The following ANKS6 variants were observed in gnomAD, a reference collection of about 807,000 sequenced individuals.
ANKS6 encodes ankyrin repeat and SAM domain-containing protein 6.
In ANKS6, 47 loss-of-function variants were observed where a neutral mutation model predicts 77.9. The observed-to-expected ratio is 0.60, with a 90% CI of 0.48 to 0.77. The LOEUF is 0.77. ANKS6 is among the 30% of genes least tolerant of loss of function. The pLI, the probability that ANKS6 is intolerant of heterozygous loss-of-function variation, is 0.00. For synonymous variants in ANKS6, 488 were observed against 501.7 expected, an observed-to-expected ratio of 0.97 and a Z score of 0.37; for missense variants, 1,150 against 1,159.1, an observed-to-expected ratio of 0.99 and a Z score of 0.11.
intron 14 of ANKS6, among the ~76,000 whole-genome samples, chr9:98,739,295 C>T (rs1051048670): frequency 1.3e-4 from 20 of 152,118 alleles, no homozygotes; most frequent in Non-Finnish European, 2.1e-4. Flanking sequence ...ACAACAACAA[C>T]GACAACAACA....
rs117361960 is a variant in ANKS6 at position 98,771,113 on chromosome 9, G to T, written c.1822-67C>A. 2,666 of 1,404,532 alleles carry T rather than the reference G, an allele frequency of 1.9e-3. 71 individuals are homozygous for T. The Admixed American group carries it at 0.043, about 23-fold the overall frequency. 87.0% of individuals were successfully genotyped at this position (1,404,532 alleles called of 1,614,324 possible). A position where few individuals can be genotyped will look rare whatever the true frequency, so the allele number is the denominator to read the frequency against. On this transcript the variant is annotated intron_variant, in intron 9 of 14. Transcript: ENST00000353234. ...CTCCCTCCAGCCGTGCAGGATCACA[G>T]TGTGGGGGTTCCTGTGCTCAGCTGG...
At chr9:98,789,633 G>C (rs1360758731) in intron 2 of ANKS6, among the ~76,000 whole-genome samples, 1 of 152,110 alleles carries the variant, frequency 6.6e-6, no homozygotes, top group African/African-American at 2.4e-5. Context: ...TTGGAACCTA[G>C]CCATACCTGA....
intron 8 of ANKS6, 145 bp from the exon 9 acceptor site, chr9:98,774,225 C>T: frequency 1.6e-6 from 1 of 636,606 alleles, no homozygotes; most frequent in Non-Finnish European, 2.4e-6. Context: ...GCATCTACAG[C>T]TCTCCTCCCA....
intron 14 of ANKS6, among the ~76,000 whole-genome samples, chr9:98,739,904 C>T (rs1007516413): frequency 2.6e-5 from 4 of 151,268 alleles, no homozygotes; most frequent in Admixed American, 6.6e-5. Flanking sequence ...TACAGGCGCC[C>T]GCCACCTCAC....
intron 3 of ANKS6, 199 bp from the exon 4 acceptor site, chr9:98,784,356 C>T (rs1272850651): frequency 6.1e-6 from 3 of 490,672 alleles, no homozygotes; most frequent in East Asian, 6.6e-5. Flanking sequence ...CAGAGACAAA[C>T]ACACGAATGG....
chr9:98,752,679 C>T (rs1832495924), intron 12 of ANKS6, among the ~76,000 whole-genome samples: 1 of 152,186 alleles, frequency 6.6e-6, no homozygotes. Context: ...AACTGAGGCA[C>T]AGAAAGGCTT....
In ANKS6 at chr9:98,778,509, C is replaced by A. The variant is rs1834047037; in HGVS notation, c.1369-85G>T. On this transcript the variant is annotated intron_variant, in intron 6 of 14. Transcript: ENST00000353234. ...GGACCTGCCAGCCCAGAGACAGTGA[C>A]TACATTCACATGTGCCTGCCCTCCC... The A allele has an allele frequency of 2.6e-5, 35 of 1,335,042 alleles. No homozygotes were observed. In the South Asian group the frequency reaches 4.4e-4, roughly 17 times the overall value. The allele number at this position is 1,335,042 out of a possible 1,614,324, so 82.7% of individuals were successfully genotyped here.
rs1303593089 is a variant in ANKS6, at chr9:98,780,354, C to T, written c.1220-17G>A. On this transcript the variant is annotated splice_polypyrimidine_tract_variant and intron_variant, in intron 5 of 14. Coordinates refer to ENST00000353234, the MANE Select transcript of ANKS6 (RefSeq NM_173551.5). The stretch of plus-strand genomic sequence containing the variant: ...GTTCCGTGTCTATGGACACAAAAGG[C>T]ATCATTTTACCTGCAAATATGTCTG... 1.3e-6 allele frequency: 2 copies of T among 1,566,384 alleles called. No individual in the cohort carries two copies. The highest frequency in any genetic ancestry group is 1.7e-6 in the Non-Finnish European group (2 of 1,153,110).
At chr9:98,754,142 T>C (rs1240802337) in intron 12 of ANKS6, among the ~76,000 whole-genome samples, 1 of 152,160 alleles carries the variant, frequency 6.6e-6, no homozygotes, top group Admixed American at 6.5e-5. Context: ...TGAGTTCCCC[T>C]GGGTGCATAG....
At chr9:98,770,107 A>G (rs1833539379) in intron 10 of ANKS6, among the ~76,000 whole-genome samples, 1 of 152,018 alleles carries the variant, frequency 6.6e-6, no homozygotes, top group African/African-American at 2.4e-5. Context: ...GACCTGATGG[A>G]GGTAATTGAA....
At chr9:98,756,290 T>A (rs1832694807) in intron 12 of ANKS6, 130 bp downstream of exon 12, 3 of 962,838 alleles carry the variant, frequency 3.1e-6, no homozygotes, top group South Asian at 3.5e-5. Context: ...AGGAGGGACA[T>A]GTTTGTCGTA....
At position 98,790,216 on chromosome 9, in the gene ANKS6, G is replaced by A. The variant is rs760039982; in HGVS notation, c.750C>T (p.Asn250=). ...VAQQLVEKGA[N]PDHLSVLEKT... The stretch of plus-strand genomic sequence containing the variant: ...TCTCCAGCACGCTGAGGTGGTCAGG[G>A]TTGGCGCCCTTCTCCACCAGCTGCT... Residue 250 remains asparagine (N), a synonymous_variant, in exon 2 of 15, where the codon AAC becomes AAT. Transcript: ENST00000353234. 22 of 1,607,896 alleles carry A rather than the reference G, an allele frequency of 1.4e-5. No individual in the cohort carries two copies. Among genetic ancestry groups the A allele is most frequent in the Non-Finnish European group, 1.6e-5 (19 of 1,175,396 alleles).
At chr9:98,747,917 T>C (rs72733205) in intron 13 of ANKS6, among the ~76,000 whole-genome samples, 4,202 of 152,356 alleles carry the variant, frequency 0.028, 99 homozygotes, top group South Asian at 0.047. Flanking sequence ...TGGACTGGCC[T>C]TGGCCCAGTC....
intron 13 of ANKS6, among the ~76,000 whole-genome samples, chr9:98,749,012 G>T (rs189528326): frequency 2.6e-5 from 4 of 152,282 alleles, no homozygotes; most frequent in Admixed American, 2.0e-4. Context: ...AAGTACCCCT[G>T]AAGCTGTGGT....
rs970675528 is a variant in ANKS6 at position 98,772,245 on chromosome 9, T to C, written c.1822-1199A>G. Among the ~76,000 whole-genome samples the C allele has an allele frequency of 2.6e-5, 4 of 152,166 alleles. No homozygotes were observed. The East Asian group carries it at 5.8e-4, about 22-fold the overall frequency. ...CTAAATGCAATCACATGTATCTTTA[T>C]AAGAGAAAAGGCAGAGGGAATTTTG... On this transcript the variant is annotated intron_variant, in intron 9 of 14. Transcript: ENST00000353234.
At position 98,756,536 on chromosome 9, in the gene ANKS6, A is replaced by G; in HGVS notation, c.2210T>C (p.Leu737Pro). The change falls in exon 12 of 15, where the codon CTC becomes CCC. Residue 737 changes from leucine to proline, a missense_variant. Leu to Pro is a moderately conservative substitution (Grantham distance 98). Transcript: ENST00000353234. ...STTSKSTSPT[L>P]TPSPSPKGHT... ...CCCTTTGGGTGAGGGGGAGGGCGTG[A>G]GGGTTGGAGAGGTGCTCTTGGAGGT... 1.3e-6 allele frequency: 2 copies of G among 1,590,104 alleles called. No individual in the cohort carries two copies. The highest frequency in any genetic ancestry group is 1.7e-6 in the Non-Finnish European group (2 of 1,171,652).
chr9:98,772,950 G>C (rs1833717410), intron 9 of ANKS6, among the ~76,000 whole-genome samples: 1 of 152,212 alleles, frequency 6.6e-6, no homozygotes, highest in Admixed American at 6.5e-5. Flanking sequence ...GGGGCTGACT[G>C]GGCTACATGG....
intron 14 of ANKS6, among the ~76,000 whole-genome samples, chr9:98,738,579 AAT>A (rs1831630460): frequency 2.0e-5 from 3 of 151,766 alleles, no homozygotes; most frequent in African/African-American, 4.8e-5. Flanking sequence ...AAAAAAATAA[AAT>A]AAAAAAAAAA....
At chr9:98,769,750 C>T (rs187127301) in intron 10 of ANKS6, among the ~76,000 whole-genome samples, 1 of 152,316 alleles carries the variant, frequency 6.6e-6, no homozygotes, top group East Asian at 1.9e-4. Context: ...GTCCTTAGCC[C>T]CAATCCCTCA....
Sources: gnomAD v4.1 joint callset for allele counts (sites outside exome capture counted in the v4.1 genomes callset) on GRCh38, gnomAD v4.1.1 for gene constraint, MANE v1.5 for transcripts, NCBI Gene and HGNC (gene_info 2026-07-23, HGNC 2026-07-21) for gene names.